RBFOX1: variants seen among roughly 807,000 people sequenced by gnomAD.
RBFOX1 encodes RNA binding fox-1 homolog 1, also known as RNA binding protein fox-1 homolog 1.
Under a neutral mutation model 57.7 loss-of-function variants are expected in RBFOX1, and 8 were observed. The observed-to-expected ratio is 0.14, with a 90% CI of 0.08 to 0.25. RBFOX1 has a LOEUF of 0.25. RBFOX1 is among the 10% of genes least tolerant of loss of function. The pLI, the probability that RBFOX1 is intolerant of heterozygous loss-of-function variation, is 1.00. For synonymous variants in RBFOX1, 326 were observed against 222.4 expected, an observed-to-expected ratio of 1.47 and a Z score of -4.15; for missense variants, 611 against 548.5, an observed-to-expected ratio of 1.11 and a Z score of -1.14.
intron 3 of RBFOX1, among the ~76,000 whole-genome samples, chr16:5,751,128 C>T (rs908406267): frequency 6.6e-6 from 1 of 152,170 alleles, no homozygotes; most frequent in East Asian, 1.9e-4. Flanking sequence ...CAGGCATGAG[C>T]CATCGTGCCT....
intron 2 of RBFOX1, among the ~76,000 whole-genome samples, chr16:5,524,414 G>A (rs1162388268): frequency 6.6e-6 from 1 of 152,200 alleles, no homozygotes; most frequent in Non-Finnish European, 1.5e-5. Flanking sequence ...ACTTAAAAAT[G>A]TCTGAATTTG....
intron 4 of RBFOX1, among the ~76,000 whole-genome samples, chr16:7,364,575 CAA>C (rs1183081362): frequency 5.7e-5 from 3 of 52,492 alleles, no homozygotes; most frequent in Non-Finnish European, 4.1e-5. Flanking sequence ...TCAAGAAGAC[CAA>C]AAAAAAAAAA....
At chr16:6,887,658 T>C (rs755665937) in intron 3 of RBFOX1, among the ~76,000 whole-genome samples, 1 of 142,580 alleles carries the variant, frequency 7.0e-6, no homozygotes, top group Admixed American at 6.8e-5. Context: ...TTGCTGTCTT[T>C]CCATAGTCAT....
intron 3 of RBFOX1, among the ~76,000 whole-genome samples, chr16:6,965,289 A>C (rs186657266): frequency 6.6e-6 from 1 of 151,724 alleles, no homozygotes; most frequent in Admixed American, 6.6e-5. Flanking sequence ...CCAAACATAA[A>C]CAAATCCAAT....
downstream of RBFOX1, among the ~76,000 whole-genome samples, chr16:5,602,024 T>C (rs1854758053): frequency 6.6e-6 from 1 of 152,198 alleles, no homozygotes; most frequent in South Asian, 2.1e-4. Context: ...TTTGCAGAGA[T>C]TCAGGCTGTG....
At chr16:6,597,043 C>T (rs2097783003) in intron 2 of RBFOX1, among the ~76,000 whole-genome samples, 1 of 152,128 alleles carries the variant, frequency 6.6e-6, no homozygotes, top group African/African-American at 2.4e-5. Flanking sequence ...GTTTGATTTT[C>T]TTGCCCCCTA....
intron 3 of RBFOX1, among the ~76,000 whole-genome samples, chr16:6,694,720 A>C (rs540195515): frequency 2.0e-5 from 3 of 152,020 alleles, no homozygotes; most frequent in Non-Finnish European, 4.4e-5. Context: ...CCTCCCAGCA[A>C]CTCCATTGGT....
intron 1 of RBFOX1, among the ~76,000 whole-genome samples, chr16:6,313,859 A>T (rs1360908999): frequency 6.6e-6 from 1 of 152,010 alleles, no homozygotes; most frequent in Admixed American, 6.6e-5. Flanking sequence ...CTCTTCTGGA[A>T]CTCTAGAGAG....
intron 3 of RBFOX1, among the ~76,000 whole-genome samples, chr16:6,837,120 T>C (rs904346872): frequency 5.9e-5 from 9 of 152,224 alleles, no homozygotes; most frequent in African/African-American, 2.2e-4. Context: ...AGTTCCCTTG[T>C]TTGCAAACAG....
chr16:6,169,038 G>A (rs1407251872), intron 1 of RBFOX1, among the ~76,000 whole-genome samples: 2 of 152,084 alleles, frequency 1.3e-5, no homozygotes, highest in Non-Finnish European at 2.9e-5. Context: ...ATTTCATAAT[G>A]AGCGTCATAT....
intron 3 of RBFOX1, among the ~76,000 whole-genome samples, chr16:6,874,359 A>T (rs1267606105): frequency 6.6e-6 from 1 of 151,952 alleles, no homozygotes; most frequent in African/African-American, 2.4e-5. Flanking sequence ...AAAAATACAA[A>T]ATTAGCCAGG....
At chr16:5,887,700 G>C (rs1205138607) in intron 4 of RBFOX1, among the ~76,000 whole-genome samples, 3 of 152,038 alleles carry the variant, frequency 2.0e-5, no homozygotes, top group African/African-American at 7.2e-5. Context: ...CACCATACCT[G>C]GCCTCCTTTC....
At chr16:6,601,433 A>G (rs1377295297) in intron 2 of RBFOX1, among the ~76,000 whole-genome samples, 5 of 152,092 alleles carry the variant, frequency 3.3e-5, no homozygotes. Context: ...GAGTCCTAAA[A>G]TCGGTGTTTG....
chr16:7,160,874 A>G (rs1421958851), intron 4 of RBFOX1, among the ~76,000 whole-genome samples: 1 of 145,754 alleles, frequency 6.9e-6, no homozygotes, highest in Non-Finnish European at 1.5e-5. Flanking sequence ...TTCTTCGTTC[A>G]ATCTTGGAAG....
chr16:7,709,861 C>G (rs564596934), intron 15 of RBFOX1: 1 of 1,170,848 alleles, frequency 8.5e-7, no homozygotes, highest in African/African-American at 1.6e-5. Context: ...GTGCCCATCA[C>G]GTGAGAGCAT....
intron 3 of RBFOX1, among the ~76,000 whole-genome samples, chr16:6,971,486 AAG>A (rs200603021): frequency 1.9e-3 from 256 of 137,474 alleles, no homozygotes; most frequent in African/African-American, 4.9e-3. Flanking sequence ...TTGCAATATG[AAG>A]AGAGAGAGAG....
intron 2 of RBFOX1, among the ~76,000 whole-genome samples, chr16:6,443,406 C>T (rs1286856377): frequency 3.3e-5 from 5 of 152,160 alleles, no homozygotes; most frequent in Non-Finnish European, 7.3e-5. Flanking sequence ...CCCCCCCATC[C>T]TGGCCAAGCA....
intron 3 of RBFOX1, among the ~76,000 whole-genome samples, chr16:6,844,973 G>A (rs1264775451): frequency 2.0e-5 from 3 of 152,136 alleles, no homozygotes; most frequent in Non-Finnish European, 4.4e-5. Flanking sequence ...TTGGCCGCAT[G>A]TATGTCTTCT....
chr16:6,467,990 A>G (rs1416379796), intron 2 of RBFOX1, among the ~76,000 whole-genome samples: 2 of 152,340 alleles, frequency 1.3e-5, no homozygotes, highest in East Asian at 1.9e-4. Context: ...TCTTAGCACC[A>G]GAGCCTCTTT....
Sources: gnomAD v4.1 joint callset for allele counts (sites outside exome capture counted in the v4.1 genomes callset) on GRCh38, gnomAD v4.1.1 for gene constraint, MANE v1.5 for transcripts, NCBI Gene and HGNC (gene_info 2026-07-23, HGNC 2026-07-21) for gene names.